TASP1: variants seen among roughly 807,000 people sequenced by gnomAD.
TASP1 encodes the protein threonine aspartase 1.
In TASP1, 16 loss-of-function variants were observed where a neutral mutation model predicts 56.6. That is an observed-to-expected ratio of 0.28 (90% CI 0.19 to 0.43). TASP1 has a LOEUF of 0.43. Ranked by LOEUF, TASP1 falls within the 20% of genes least tolerant of loss-of-function variation. TASP1 has a pLI of 1.00. For synonymous variants in TASP1, 179 were observed against 184.2 expected (o/e 0.97, Z 0.23); for missense variants, 393 against 511.6 (o/e 0.77, Z 2.24).
the TASP1 span, among the ~76,000 whole-genome samples, chr20:13,118,203 G>A: frequency 6.6e-6 from 1 of 152,050 alleles, no homozygotes; most frequent in Non-Finnish European, 1.5e-5. Context: ...TTATTAGGGA[G>A]GCTGACCCTA....
chr20:13,137,052 G>A, the TASP1 span, among the ~76,000 whole-genome samples: 129 of 152,230 alleles, frequency 8.5e-4, 1 homozygote, highest in South Asian at 1.5e-3. Context: ...TGGGGAAATT[G>A]AGTCTGCAAA....
chr20:13,386,772 C>T (rs1234163835), downstream of TASP1, among the ~76,000 whole-genome samples: 4 of 152,148 alleles, frequency 2.6e-5, no homozygotes, highest in Admixed American at 6.5e-5. Context: ...CACAGACAAG[C>T]CCCTCAGACT....
the TASP1 span, among the ~76,000 whole-genome samples, chr20:13,316,423 T>C: frequency 6.6e-6 from 1 of 151,958 alleles, no homozygotes; most frequent in East Asian, 1.9e-4. Flanking sequence ...GTAGAGGGAA[T>C]TATTATTAAC....
At chr20:13,145,337 A>T in the TASP1 span, among the ~76,000 whole-genome samples, 1 of 152,194 alleles carries the variant, frequency 6.6e-6, no homozygotes, top group Non-Finnish European at 1.5e-5. Context: ...ATTTCTATAC[A>T]CCAACAACAG....
chr20:13,126,873 A>G, the TASP1 span, among the ~76,000 whole-genome samples: 1 of 152,244 alleles, frequency 6.6e-6, no homozygotes, highest in African/African-American at 2.4e-5. Context: ...TTAGCACACC[A>G]TACAAAAACC....
chr20:13,479,620 A>C (rs940450550), intron 11 of TASP1, among the ~76,000 whole-genome samples: 4 of 151,940 alleles, frequency 2.6e-5, no homozygotes, highest in African/African-American at 7.2e-5. Flanking sequence ...TTAGCCTCCC[A>C]AGTAGCTGGG....
At chr20:13,159,924 A>G in the TASP1 span, 2 of 1,444,660 alleles carry the variant, frequency 1.4e-6, no homozygotes, top group Non-Finnish European at 9.2e-7. Flanking sequence ...TCAATTAGCC[A>G]TATTCCTTTT....
intron 10 of TASP1, among the ~76,000 whole-genome samples, chr20:13,496,308 G>C (rs1215968879): frequency 6.6e-6 from 1 of 152,090 alleles, no homozygotes; most frequent in Non-Finnish European, 1.5e-5. Flanking sequence ...ACCCGCCTTG[G>C]CCTCCCAAAG....
chr20:13,612,686 A>T (rs1438961071), intron 4 of TASP1, among the ~76,000 whole-genome samples: 4 of 152,152 alleles, frequency 2.6e-5, no homozygotes, highest in African/African-American at 9.7e-5. Context: ...TGACTCTTCC[A>T]TTCCCACTAT....
At chr20:13,240,330 G>C in the TASP1 span, among the ~76,000 whole-genome samples, 1 of 152,156 alleles carries the variant, frequency 6.6e-6, no homozygotes, top group Non-Finnish European at 1.5e-5. Flanking sequence ...CAAAAGATAG[G>C]GAATAACTGG....
chr20:13,449,614 A>C (rs1160884291), intron 11 of TASP1, among the ~76,000 whole-genome samples: 1 of 152,138 alleles, frequency 6.6e-6, no homozygotes, highest in African/African-American at 2.4e-5. Context: ...AAGCTTGATA[A>C]AATGGTGATT....
chr20:13,485,916 C>T (rs1299402037), intron 10 of TASP1, among the ~76,000 whole-genome samples: 2 of 152,246 alleles, frequency 1.3e-5, no homozygotes, highest in Non-Finnish European at 1.5e-5. Flanking sequence ...AAAGCTAAAC[C>T]ACATGAAGTT....
intron 10 of TASP1, among the ~76,000 whole-genome samples, chr20:13,489,298 C>A (rs867704809): frequency 8.5e-5 from 13 of 152,250 alleles, no homozygotes; most frequent in Middle Eastern, 3.4e-3. Flanking sequence ...CGGTCCCTGG[C>A]CAGAAAGAGC....
the TASP1 span, among the ~76,000 whole-genome samples, chr20:13,373,746 T>A: frequency 6.6e-6 from 1 of 152,190 alleles, no homozygotes; most frequent in African/African-American, 2.4e-5. Context: ...GATCTCTCTG[T>A]TTCCTACTTG....
chr20:13,505,000 G>A (rs1191284298), intron 10 of TASP1, among the ~76,000 whole-genome samples: 1 of 151,886 alleles, frequency 6.6e-6, no homozygotes, highest in Admixed American at 6.6e-5. Context: ...AAGGCAAACA[G>A]TGGCATACAG....
At chr20:13,433,541 A>AT (rs1436973241) in intron 12 of TASP1, among the ~76,000 whole-genome samples, 2 of 149,986 alleles carry the variant, frequency 1.3e-5, no homozygotes, top group Non-Finnish European at 3.0e-5. Flanking sequence ...AAAAAAAAAA[A>AT]TACAGCTGGT....
intron 10 of TASP1, among the ~76,000 whole-genome samples, chr20:13,523,627 C>T (rs908800779): frequency 6.6e-6 from 1 of 151,868 alleles, no homozygotes; most frequent in South Asian, 2.1e-4. Flanking sequence ...TAAGGCTGTT[C>T]TCAATTTTGG....
At chr20:13,491,343 T>C (rs2043517937) in intron 10 of TASP1, among the ~76,000 whole-genome samples, 1 of 152,230 alleles carries the variant, frequency 6.6e-6, no homozygotes, top group African/African-American at 2.4e-5. Flanking sequence ...AACAGGTTTA[T>C]TGCCCGACTT....
rs565167384 is a variant in TASP1, at chr20:13,438,052, G to A, written c.986-2898C>T. ...ACCAAAAAGGAGCCCGCATTGCCAAGTCAATCCTAATTTATAGATTCAATG... is the reference window on the plus strand; with the variant it reads ...ACCAAAAAGGAGCCCGCATTGCCAAATCAATCCTAATTTATAGATTCAATG... On this transcript the variant is annotated intron_variant, in intron 11 of 13. Transcript: ENST00000337743. Among the ~76,000 whole-genome samples, 3 of 151,112 alleles carry A rather than the reference G, an allele frequency of 2.0e-5. No homozygotes were observed. In the South Asian group the frequency reaches 6.3e-4, roughly 32 times the overall value.
Sources: allele counts gnomAD v4.1 joint callset (sites outside exome capture counted in the v4.1 genomes callset), GRCh38; gene constraint gnomAD v4.1.1; transcripts MANE v1.5; gene names NCBI Gene and HGNC (gene_info 2026-07-23, HGNC 2026-07-21).